The following ILKAP variants were observed in gnomAD, a reference collection of about 807,000 sequenced individuals.
ILKAP encodes ILK associated serine/threonine phosphatase.
ILKAP carries 11 observed loss-of-function variants against 49.1 expected under a neutral mutation model. The observed-to-expected ratio is 0.22, with a 90% CI of 0.14 to 0.37. The LOEUF is 0.37. ILKAP is among the 10% of genes least tolerant of loss of function. The pLI, the probability that ILKAP is intolerant of heterozygous loss-of-function variation, is 1.00. For synonymous variants in ILKAP, 186 were observed against 192.8 expected (o/e 0.96, Z 0.29); for missense variants, 363 against 510.8 (o/e 0.71, Z 2.79).
At chr2:238,183,775 C>G (rs779527032) in intron 7 of ILKAP, 35 bp from the exon 8 acceptor site, 1 of 1,493,704 alleles carries the variant, frequency 6.7e-7, no homozygotes, top group East Asian at 2.3e-5. Context: ...CAGTCACCAC[C>G]AATAGCCCAG....
intron 1 of ILKAP, among the ~76,000 whole-genome samples, chr2:238,199,043 A>G (rs1212664392): frequency 6.6e-6 from 1 of 152,152 alleles, no homozygotes; most frequent in African/African-American, 2.4e-5. Context: ...ACATGGACTC[A>G]TGCATTTTAA....
chr2:238,191,210 G>A (rs560041653), intron 3 of ILKAP, among the ~76,000 whole-genome samples: 6 of 151,300 alleles, frequency 4.0e-5, no homozygotes, highest in South Asian at 4.2e-4. Flanking sequence ...GTGCAGTGAC[G>A]CAACGTCAGC....
At chr2:238,171,320 C>T (rs1039320805) in intron 10 of ILKAP, among the ~76,000 whole-genome samples, 7 of 152,002 alleles carry the variant, frequency 4.6e-5, no homozygotes, top group East Asian at 1.9e-4. Context: ...GCACCACGCC[C>T]GGGTAATTTT....
At chr2:238,184,200 T>C in intron 6 of ILKAP, 87 bp from the exon 7 acceptor site, 1 of 840,224 alleles carries the variant, frequency 1.2e-6, no homozygotes, top group Non-Finnish European at 2.0e-6. Context: ...TTTTTTGTTT[T>C]ATTTTTTTGA....
At chr2:238,190,741 G>A (rs1694084237) in intron 3 of ILKAP, among the ~76,000 whole-genome samples, 2 of 152,080 alleles carry the variant, frequency 1.3e-5, no homozygotes. Context: ...TCTGCATTTA[G>A]GTATAAAAGT....
intron 10 of ILKAP, among the ~76,000 whole-genome samples, chr2:238,172,733 G>C (rs1693281145): frequency 6.6e-6 from 1 of 152,228 alleles, no homozygotes. Context: ...GCGGGACTCA[G>C]AGCAGCACTC....
chr2:238,191,904 CAA>C (rs533953653), intron 3 of ILKAP, among the ~76,000 whole-genome samples: 13 of 117,958 alleles, frequency 1.1e-4, no homozygotes, highest in East Asian at 2.4e-4. Flanking sequence ...GGCTCCATCT[CAA>C]AAAAAAAAAA....
intron 5 of ILKAP, chr2:238,185,958 G>A (rs1411316113): frequency 6.6e-6 from 1 of 152,174 alleles, no homozygotes; most frequent in African/African-American, 2.4e-5. Flanking sequence ...TTGCTTCAAA[G>A]ATCAAGATCT....
chr2:238,189,787 T>A lies in ILKAP; in HGVS notation c.298+66A>T, dbSNP rs984458675. Reference sequence around the variant, plus strand: ...GAAAGTATTATTAGAAAGCTGAAACTGGTTTTGCTCTGGGTTGTTTTAAAA... The same window carrying A: ...GAAAGTATTATTAGAAAGCTGAAACAGGTTTTGCTCTGGGTTGTTTTAAAA... On this transcript the variant is annotated intron_variant, in intron 4 of 11. Transcript: ENST00000254654. 2.1e-6 allele frequency: 3 copies of A among 1,456,982 alleles called. No homozygotes were observed. The African/African-American group carries it at 4.3e-5, about 21-fold the overall frequency. The allele number at this position is 1,456,982 out of a possible 1,614,324, so 90.3% of individuals were successfully genotyped here.
chr2:238,200,198 A>G (rs899398206), intron 1 of ILKAP, among the ~76,000 whole-genome samples: 3 of 129,656 alleles, frequency 2.3e-5, no homozygotes, highest in African/African-American at 8.9e-5. Flanking sequence ...ATATGAACAA[A>G]CACTTTTTTT....
At chr2:238,188,338 G>C (rs1174036418) in intron 4 of ILKAP, 81 bp from the exon 5 acceptor site, 2 of 1,508,638 alleles carry the variant, frequency 1.3e-6, no homozygotes, top group Admixed American at 2.1e-5. Context: ...AAATGAGAGG[G>C]AACTATGACT....
chr2:238,170,657 C>T lies in ILKAP; in HGVS notation c.1058G>A (p.Arg353Gln), dbSNP rs752329702. 10 of 1,597,410 alleles carry T rather than the reference C, an allele frequency of 6.3e-6. No individual in the cohort carries two copies. The highest frequency in any genetic ancestry group is 1.7e-4 in the Middle Eastern group (1 of 6,044). The change falls in exon 12 of 12, where the codon CGG becomes CAG. Residue 353 changes from arginine to glutamine, a missense_variant. Physicochemically the swap from Arg to Gln is conservative, Grantham distance 43 (BLOSUM62 1). Around this residue, in one of 3 missense-constraint regions of ILKAP, gnomAD observed 83 missense variants for 87.5 expected, o/e 0.95. Transcript: ENST00000254654. ...GGCGTCGGCTGCGGACTTCCCTTCC[C>T]GGGTCTGGATCTTTTCATCCTACCA... ...SCLEDEKIQT[R>Q]EGKSAADARY...
intron 10 of ILKAP, among the ~76,000 whole-genome samples, chr2:238,171,431 G>C (rs1693215459): frequency 6.6e-6 from 1 of 152,136 alleles, no homozygotes. Context: ...AAAGTGCTGG[G>C]ATTACAGGCA....
At chr2:238,192,192 T>G (rs1310648462) in intron 3 of ILKAP, among the ~76,000 whole-genome samples, 2 of 133,934 alleles carry the variant, frequency 1.5e-5, no homozygotes, top group African/African-American at 2.8e-5. Context: ...GCCAACAGAG[T>G]GAGACTGTCT....
At chr2:238,190,425 C>A (rs368446892) in intron 3 of ILKAP, among the ~76,000 whole-genome samples, 7 of 152,170 alleles carry the variant, frequency 4.6e-5, no homozygotes, top group East Asian at 1.9e-4. Context: ...GTAATACATC[C>A]TTTCAAAGGC....
chr2:238,180,978 T>G, intron 9 of ILKAP, among the ~76,000 whole-genome samples: 1 of 152,232 alleles, frequency 6.6e-6, no homozygotes, highest in East Asian at 1.9e-4. Flanking sequence ...TGGCAAAAAC[T>G]GGGCCAACAG....
intron 3 of ILKAP, among the ~76,000 whole-genome samples, chr2:238,192,557 G>A (rs1247658812): frequency 6.6e-6 from 1 of 152,030 alleles, no homozygotes; most frequent in African/African-American, 2.4e-5. Flanking sequence ...AAAATTAGGT[G>A]GGCGTGGTGG....
intron 1 of ILKAP, among the ~76,000 whole-genome samples, chr2:238,201,056 G>C (rs1694547665): frequency 6.6e-6 from 1 of 152,130 alleles, no homozygotes; most frequent in Non-Finnish European, 1.5e-5. Context: ...AAAATAACGA[G>C]GTCTTTTATT....
At chr2:238,187,182 G>A (rs1455476459) in intron 5 of ILKAP, 2 of 152,236 alleles carry the variant, frequency 1.3e-5, no homozygotes, top group Non-Finnish European at 2.9e-5. Flanking sequence ...GAGCCTAGGA[G>A]GTCAAGCCTG....
Sources: allele counts gnomAD v4.1 joint callset (sites outside exome capture counted in the v4.1 genomes callset), GRCh38; gene constraint gnomAD v4.1.1; regional missense constraint gnomAD v4.1.1; transcripts MANE v1.5; gene names NCBI Gene and HGNC (gene_info 2026-07-23, HGNC 2026-07-21).